The following AGMO variants were observed in gnomAD, a reference collection of about 807,000 sequenced individuals.
The protein encoded by AGMO is glyceryl-ether monooxygenase.
Under a neutral mutation model 60.2 loss-of-function variants are expected in AGMO, and 75 were observed. The ratio of observed to expected loss-of-function variants is 1.25; its 90% CI spans 1.03 to 1.51. The LOEUF (loss-of-function observed/expected upper bound fraction) is 1.51. AGMO is among the 40% of genes most tolerant of loss of function. AGMO has a pLI of 0.00. For synonymous variants in AGMO, 261 were observed against 177.1 expected, an observed-to-expected ratio of 1.47 and a Z score of -3.76; for missense variants, 763 against 525.5, an observed-to-expected ratio of 1.45 and a Z score of -4.42.
chr7:15,157,362 C>G, the AGMO span, among the ~76,000 whole-genome samples: 13 of 152,200 alleles, frequency 8.5e-5, no homozygotes, highest in African/African-American at 2.9e-4. Context: ...TGTGATCAGC[C>G]CATGAGGGCA....
intron 3 of AGMO, among the ~76,000 whole-genome samples, chr7:15,490,306 G>A (rs1783037434): frequency 6.6e-6 from 1 of 152,112 alleles, no homozygotes; most frequent in African/African-American, 2.4e-5. Flanking sequence ...AATGTGTGAG[G>A]TTTTACAAAA....
intron 6 of AGMO, among the ~76,000 whole-genome samples, chr7:15,393,087 A>T (rs1374078361): frequency 1.3e-5 from 2 of 152,238 alleles, no homozygotes; most frequent in Admixed American, 1.3e-4. Context: ...CGAAGAATTA[A>T]AAGTCGAACC....
chr7:15,501,133 T>C (rs149170479), intron 3 of AGMO, among the ~76,000 whole-genome samples: 2,266 of 152,088 alleles, frequency 0.015, 24 homozygotes, highest in Middle Eastern at 0.027. Flanking sequence ...ATGTGCCATG[T>C]GGTGATGAGA....
At chr7:15,205,410 AT>A (rs35503770) in intron 12 of AGMO, among the ~76,000 whole-genome samples, 12,190 of 152,150 alleles carry the variant, frequency 0.08, 702 homozygotes, top group Non-Finnish European at 0.11. Context: ...GAAATTGCTA[AT>A]TTTTTTGGTC....
the AGMO span, among the ~76,000 whole-genome samples, chr7:15,193,590 A>G: frequency 3.3e-5 from 5 of 152,158 alleles, no homozygotes; most frequent in Non-Finnish European, 7.4e-5. Context: ...CTAGTTTAAT[A>G]GGGATCAATT....
At chr7:15,273,601 T>G (rs1189051924) in intron 12 of AGMO, among the ~76,000 whole-genome samples, 4 of 152,090 alleles carry the variant, frequency 2.6e-5, no homozygotes, top group Non-Finnish European at 2.9e-5. Flanking sequence ...ACTTGGCAAT[T>G]TGGGCTCTTT....
At chr7:15,149,328 C>T in the AGMO span, among the ~76,000 whole-genome samples, 2 of 152,094 alleles carry the variant, frequency 1.3e-5, no homozygotes, top group Non-Finnish European at 2.9e-5. Context: ...TAATTAGGCC[C>T]CACTTATCTA....
chr7:15,351,984 CAAAT>C (rs1321355325), intron 12 of AGMO, among the ~76,000 whole-genome samples: 3 of 152,122 alleles, frequency 2.0e-5, no homozygotes, highest in Non-Finnish European at 2.9e-5. Flanking sequence ...TTAGAATCTG[CAAAT>C]AAATAGCTTG....
At chr7:15,416,421 C>T (rs1280784492) in intron 5 of AGMO, among the ~76,000 whole-genome samples, 1 of 152,052 alleles carries the variant, frequency 6.6e-6, no homozygotes, top group African/African-American at 2.4e-5. Flanking sequence ...TATTTTTTAT[C>T]TCACAGTCTT....
chr7:15,120,977 C>A, the AGMO span, among the ~76,000 whole-genome samples: 1 of 151,988 alleles, frequency 6.6e-6, no homozygotes, highest in Non-Finnish European at 1.5e-5. Flanking sequence ...TCCCTTTCTG[C>A]CCACCCCCAG....
At chr7:15,525,908 C>G (rs1784116784) in intron 3 of AGMO, among the ~76,000 whole-genome samples, 1 of 152,222 alleles carries the variant, frequency 6.6e-6, no homozygotes, top group African/African-American at 2.4e-5. Context: ...CTGGGCACCA[C>G]TGCATTCCCC....
chr7:15,283,156 G>A (rs550214880), intron 12 of AGMO, among the ~76,000 whole-genome samples: 3 of 152,120 alleles, frequency 2.0e-5, no homozygotes, highest in African/African-American at 7.2e-5. Flanking sequence ...AAAACTCACA[G>A]GGCCCATAAA....
intron 3 of AGMO, among the ~76,000 whole-genome samples, chr7:15,463,446 T>A (rs1782197860): frequency 6.6e-6 from 1 of 152,138 alleles, no homozygotes. Flanking sequence ...TCACCCAAAC[T>A]GGCGACACAC....
intron 3 of AGMO, among the ~76,000 whole-genome samples, chr7:15,527,557 T>A (rs1023699737): frequency 2.0e-5 from 3 of 152,140 alleles, no homozygotes; most frequent in African/African-American, 7.2e-5. Context: ...AGCCAACAAG[T>A]GTTGATCTGG....
chr7:15,232,791 A>ACACACACATG (rs1782295129), intron 12 of AGMO, among the ~76,000 whole-genome samples: 2 of 104,462 alleles, frequency 1.9e-5, no homozygotes, highest in East Asian at 2.5e-4. Flanking sequence ...CATGGAAACC[A>ACACACACATG]CACACACACG....
chr7:15,258,242 G>T (rs1249118337), intron 12 of AGMO, among the ~76,000 whole-genome samples: 1 of 152,088 alleles, frequency 6.6e-6, no homozygotes, highest in Non-Finnish European at 1.5e-5. Context: ...ATTTTGAAGT[G>T]GAAATAGTTT....
intron 12 of AGMO, among the ~76,000 whole-genome samples, chr7:15,314,232 T>G (rs1780848827): frequency 6.6e-6 from 1 of 152,118 alleles, no homozygotes; most frequent in African/African-American, 2.4e-5. Flanking sequence ...GGTGCACAAT[T>G]TAAAACTCAT....
At chr7:15,440,687 C>T (rs1781530050) in intron 3 of AGMO, among the ~76,000 whole-genome samples, 1 of 152,122 alleles carries the variant, frequency 6.6e-6, no homozygotes, top group Admixed American at 6.6e-5. Context: ...ACTTTATAGT[C>T]GTCATTCAAA....
chr7:15,535,884 G>T (rs76446065), intron 3 of AGMO, among the ~76,000 whole-genome samples: 4 of 151,686 alleles, frequency 2.6e-5, no homozygotes, highest in African/African-American at 9.7e-5. Flanking sequence ...ACAAGGTAGG[G>T]CAGCAACTTT....
Sources: gnomAD v4.1 joint callset for allele counts (sites outside exome capture counted in the v4.1 genomes callset) on GRCh38, gnomAD v4.1.1 for gene constraint, MANE v1.5 for transcripts, NCBI Gene and HGNC (gene_info 2026-07-23, HGNC 2026-07-21) for gene names.